BAIAP2L1: variants seen among roughly 807,000 people sequenced by gnomAD.
The protein encoded by BAIAP2L1 is BAR/IMD domain-containing adapter protein 2-like 1.
In BAIAP2L1, 35 loss-of-function variants were observed where a neutral mutation model predicts 66.3. The ratio of observed to expected loss-of-function variants is 0.53; its 90% CI spans 0.40 to 0.70. The LOEUF (loss-of-function observed/expected upper bound fraction) is 0.70, where lower values mean the gene tolerates loss of function less well. BAIAP2L1 is among the 30% of genes least tolerant of loss of function. BAIAP2L1 has a pLI of 0.00. For missense variants in BAIAP2L1, 622 were observed against 656.9 expected (o/e 0.95, Z 0.58); for synonymous variants, 269 against 248.7 (o/e 1.08, Z -0.77).
Position 98,393,148 on chromosome 7 carries a change from T to C in BAIAP2L1, c.51+7654A>G, listed in dbSNP as rs1028643722. 8.8e-5 allele frequency among the ~76,000 whole-genome samples: 12 copies of C among 136,558 alleles called. 3 individuals are homozygous for C. Among genetic ancestry groups the C allele is most frequent in the South Asian group, 2.3e-4 (1 of 4,366 alleles). 89.6% of individuals were successfully genotyped at this position (136,558 alleles called of 152,430 possible). On this transcript the variant is annotated intron_variant, in intron 1 of 13. Transcript: ENST00000005260. ...GTATATATACACACATATGTGTACA[T>C]ATATATGTACACATATATGTATATA...
At chr7:98,360,434 T>C (rs1023470073) in intron 2 of BAIAP2L1, among the ~76,000 whole-genome samples, 1 of 152,130 alleles carries the variant, frequency 6.6e-6, no homozygotes, top group Non-Finnish European at 1.5e-5. Flanking sequence ...TTTACCTACA[T>C]TTCTCAATGG....
intron 3 of BAIAP2L1, among the ~76,000 whole-genome samples, chr7:98,348,356 C>T (rs901766086): frequency 6.6e-6 from 1 of 151,972 alleles, no homozygotes; most frequent in East Asian, 1.9e-4. Context: ...CACTTGAGGT[C>T]AAGAGTTCAA....
intron 1 of BAIAP2L1, among the ~76,000 whole-genome samples, chr7:98,388,357 T>C (rs907931656): frequency 6.6e-5 from 10 of 152,190 alleles, no homozygotes; most frequent in Non-Finnish European, 1.2e-4. Context: ...ACTGAGTCTC[T>C]AAGCAGATGC....
At position 98,320,927 on chromosome 7, in the gene BAIAP2L1, G is replaced by C. The variant is rs150248052; in HGVS notation, c.215-629C>G. On this transcript the variant is annotated intron_variant, in intron 3 of 13. Transcript: ENST00000005260. ...GCTGGAGTGCAGTGGCACGACCTTGGCTCACTGCAGCCTCCACCTCCTGGG... is the reference window on the plus strand; with the variant it reads ...GCTGGAGTGCAGTGGCACGACCTTGCCTCACTGCAGCCTCCACCTCCTGGG... Among the ~76,000 whole-genome samples the C allele has an allele frequency of 9.5e-4, 144 of 152,300 alleles. 2 individuals are homozygous for C. The highest frequency in any genetic ancestry group is 3.3e-3 in the African/African-American group (139 of 41,568).
In BAIAP2L1 at chr7:98,292,949, G is replaced by A. The variant is rs561637864; in HGVS notation, c.*572C>T. On this transcript the variant is annotated 3_prime_UTR_variant, in exon 14 of 14. Coordinates refer to ENST00000005260, the MANE Select transcript of BAIAP2L1 (RefSeq NM_018842.5). ...CGTCTTAGCACTCTACAGCTCTGGC[G>A]TGGTTGGAGGGAGGGTGGGGGTTTC... 5.1e-5 allele frequency: 63 copies of A among 1,244,400 alleles called. No homozygotes were observed. In the African/African-American group the frequency reaches 7.2e-4, roughly 14 times the overall value. 77.1% of individuals were successfully genotyped at this position (1,244,400 alleles called of 1,614,324 possible).
chr7:98,305,851 C>T (rs75080825), intron 11 of BAIAP2L1, among the ~76,000 whole-genome samples: 155 of 152,244 alleles, frequency 1.0e-3, no homozygotes, highest in African/African-American at 3.3e-3. Flanking sequence ...ATCTGGAATA[C>T]GGATTTGGGG....
At chr7:98,360,069 C>A (rs1028549344) in intron 2 of BAIAP2L1, among the ~76,000 whole-genome samples, 3 of 152,022 alleles carry the variant, frequency 2.0e-5, no homozygotes, top group African/African-American at 7.3e-5. Context: ...ATCACAGGCA[C>A]GTGCCACCAC....
intron 2 of BAIAP2L1, among the ~76,000 whole-genome samples, chr7:98,360,160 T>C (rs916526524): frequency 6.6e-6 from 1 of 152,084 alleles, no homozygotes; most frequent in Non-Finnish European, 1.5e-5. Flanking sequence ...TGACCTCAGG[T>C]GATCTGCCCA....
chr7:98,369,851 T>A (rs1341658092), intron 1 of BAIAP2L1, among the ~76,000 whole-genome samples: 1 of 151,938 alleles, frequency 6.6e-6, no homozygotes, highest in African/African-American at 2.4e-5. Flanking sequence ...TTTGTTTTTT[T>A]AGTAGAGATG....
chr7:98,320,604 G>A (rs1180561158), intron 3 of BAIAP2L1, among the ~76,000 whole-genome samples: 1 of 152,132 alleles, frequency 6.6e-6, no homozygotes, highest in African/African-American at 2.4e-5. Context: ...CAAAGTTCTG[G>A]GATTACAGGT....
At chr7:98,349,846 T>G (rs1167429908) in intron 3 of BAIAP2L1, among the ~76,000 whole-genome samples, 1 of 151,934 alleles carries the variant, frequency 6.6e-6, no homozygotes, top group Non-Finnish European at 1.5e-5. Flanking sequence ...CACCTGAGGT[T>G]GGGAGTTCGA....
At chr7:98,368,882 T>TG (rs1802447962) in intron 1 of BAIAP2L1, among the ~76,000 whole-genome samples, 1 of 151,924 alleles carries the variant, frequency 6.6e-6, no homozygotes, top group Admixed American at 6.6e-5. Context: ...GTTGAAGACC[T>TG]GGCTTGTTTC....
intron 1 of BAIAP2L1, among the ~76,000 whole-genome samples, chr7:98,395,640 G>T (rs1198085194): frequency 6.6e-6 from 1 of 152,110 alleles, no homozygotes; most frequent in Non-Finnish European, 1.5e-5. Flanking sequence ...TCAATAAAAA[G>T]TTTTAAAAAC....
At chr7:98,392,337 C>T (rs2115846888) in intron 1 of BAIAP2L1, among the ~76,000 whole-genome samples, 1 of 152,012 alleles carries the variant, frequency 6.6e-6, no homozygotes, top group Non-Finnish European at 1.5e-5. Context: ...CAAGAGTGAA[C>T]CTCCGTTTCA....
chr7:98,304,311 G>T lies in BAIAP2L1; in HGVS notation c.1307C>A (p.Pro436Gln), dbSNP rs763264973. ...LSENSSVVIP[P>Q]PDYLECLSMG... ...GGACAAGCATTCCAAGTAGTCGGGT[G>T]GGGGGATGACAACACTGCTATTCTC... The change falls in exon 12 of 14, where the codon CCA (proline) becomes CAA (glutamine). Residue 436 changes from proline (P) to glutamine (Q), a missense_variant. Transcript: ENST00000005260. 6.2e-6 allele frequency: 10 copies of T among 1,611,192 alleles called. No homozygotes were observed. In the African/African-American group the frequency reaches 8.0e-5, roughly 13 times the overall value.
At chr7:98,294,795 G>T (rs1800116677) in intron 12 of BAIAP2L1, among the ~76,000 whole-genome samples, 1 of 152,224 alleles carries the variant, frequency 6.6e-6, no homozygotes, top group Admixed American at 6.5e-5. Context: ...CTTGTAGGAA[G>T]CTCAAACTGA....
Position 98,293,604 on chromosome 7 carries a change from G to A in BAIAP2L1, c.1461-8C>T, listed in dbSNP as rs1478982787. 4.3e-6 allele frequency: 7 copies of A among 1,611,852 alleles called. No individual in the cohort carries two copies. The highest frequency in any genetic ancestry group is 5.9e-6 in the Non-Finnish European group (7 of 1,178,160). ...GCAAAGGGGTTTTCTCCGCTGCAGGGGATAAGAAAAATCTTTCAGAACTTC... is the reference window on the plus strand; with the variant it reads ...GCAAAGGGGTTTTCTCCGCTGCAGGAGATAAGAAAAATCTTTCAGAACTTC... On this transcript the variant is annotated splice_polypyrimidine_tract_variant and splice_region_variant and intron_variant, in intron 13 of 13. Coordinates refer to ENST00000005260, the MANE Select transcript of BAIAP2L1 (RefSeq NM_018842.5).
At chr7:98,317,111 C>CA (rs1160511703) in intron 6 of BAIAP2L1, 108 bp downstream of exon 6, 25 of 1,424,952 alleles carry the variant, frequency 1.8e-5, no homozygotes, top group Non-Finnish European at 2.3e-5. Flanking sequence ...CCTCGGCCTC[C>CA]CAAAGTGCTG....
intron 1 of BAIAP2L1, among the ~76,000 whole-genome samples, chr7:98,376,674 A>AAAC (rs1554339634): frequency 2.0e-5 from 3 of 150,816 alleles, no homozygotes; most frequent in Admixed American, 6.6e-5. Context: ...AAAAAAAAAA[A>AAAC]ACACACAAAA....
Sources: allele counts gnomAD v4.1 joint callset (sites outside exome capture counted in the v4.1 genomes callset), GRCh38; gene constraint gnomAD v4.1.1; transcripts MANE v1.5; gene names NCBI Gene and HGNC (gene_info 2026-07-23, HGNC 2026-07-21).